ERCC6: variants seen among roughly 807,000 people sequenced by gnomAD.
ERCC6 encodes ERCC excision repair 6, chromatin remodeling factor.
In ERCC6, 116 loss-of-function variants were observed where a neutral mutation model predicts 158.7. That is an observed-to-expected ratio of 0.73 (90% CI 0.63 to 0.85). ERCC6 has a LOEUF of 0.85. Among genes scored for constraint, ERCC6 ranks in the 40% least tolerant of loss-of-function variants. The pLI, the probability that ERCC6 is intolerant of heterozygous loss-of-function variation, is 0.00. For synonymous variants in ERCC6, 678 were observed against 659.3 expected, an observed-to-expected ratio of 1.03 and a Z score of -0.43; for missense variants, 1,698 against 1,799.4, an observed-to-expected ratio of 0.94 and a Z score of 1.02.
chr10:49,489,705 A>T (rs930718694), intron 8 of ERCC6, among the ~76,000 whole-genome samples: 2 of 152,202 alleles, frequency 1.3e-5, no homozygotes, highest in South Asian at 2.1e-4. Flanking sequence ...TTCAGAACAT[A>T]AGCAATTTAT....
At chr10:49,472,022 A>C (rs1275462946) in intron 16 of ERCC6, among the ~76,000 whole-genome samples, 2 of 152,212 alleles carry the variant, frequency 1.3e-5, no homozygotes, top group Non-Finnish European at 2.9e-5. Flanking sequence ...GTATGTAAAC[A>C]CCAATATGGT....
chr10:49,513,101 T>TA (rs1265971345), intron 5 of ERCC6, among the ~76,000 whole-genome samples: 2 of 152,198 alleles, frequency 1.3e-5, no homozygotes, highest in East Asian at 3.9e-4. Flanking sequence ...AGCTAATACT[T>TA]ACGGAGTGCC....
At chr10:49,515,366 A>G (rs774000889) in intron 5 of ERCC6, 2 of 1,613,518 alleles carry the variant, frequency 1.2e-6, no homozygotes, top group South Asian at 1.1e-5. Flanking sequence ...AACACTTCAC[A>G]TGTAAGGCAA....
In ERCC6 at chr10:49,457,450, C is replaced by CA. The variant is rs1850501386; in HGVS notation, c.*1364dup. 6.6e-6 allele frequency: 1 copy of CA among 152,140 alleles called. No homozygotes were observed. Among genetic ancestry groups the CA allele is most frequent in the South Asian group, 2.1e-4 (1 of 4,832 alleles). The allele number at this position is 152,140 out of a possible 1,614,324, so 9.4% of individuals were successfully genotyped here. The stretch of plus-strand genomic sequence containing the variant: ...AAGCAAAATATTAGAGCAGAGAAAG[C>CA]AAAACTCATGTCCTCTCATGCAGTC... On this transcript the variant is annotated 3_prime_UTR_variant, in exon 21 of 21. Transcript: ENST00000355832.
chr10:49,503,764 T>C (rs915133229), intron 6 of ERCC6: 1 of 152,136 alleles, frequency 6.6e-6, no homozygotes, highest in African/African-American at 2.4e-5. Context: ...GAAAAGCATA[T>C]AAAAATTACT....
chr10:49,501,754 A>T (rs1338979322), intron 6 of ERCC6: 1 of 152,080 alleles, frequency 6.6e-6, no homozygotes, highest in African/African-American at 2.4e-5. Context: ...CCAGGAGTTC[A>T]AGACCAGCAT....
chr10:49,511,835 C>T lies in ERCC6; in HGVS notation c.1398-5823G>A, dbSNP rs1413826780. The stretch of plus-strand genomic sequence containing the variant: ...AAGATAACCACAGAGAAGTGAAAAC[C>T]GAATGTAGGCAAAAGAGGTGCATTA... On this transcript the variant is annotated intron_variant, in intron 5 of 20. Coordinates refer to ENST00000355832, the MANE Select transcript of ERCC6 (RefSeq NM_000124.4). 5.3e-5 allele frequency among the ~76,000 whole-genome samples: 8 copies of T among 152,140 alleles called. No homozygotes were observed. In the East Asian group the frequency reaches 1.4e-3, roughly 26 times the overall value.
At chr10:49,483,814 T>C (rs1032009071) in intron 8 of ERCC6, among the ~76,000 whole-genome samples, 1 of 151,664 alleles carries the variant, frequency 6.6e-6, no homozygotes, top group Non-Finnish European at 1.5e-5. Flanking sequence ...ATCCTTTGTG[T>C]CCATTCTTGT....
At chr10:49,454,037 T>C (rs961032246), downstream of ERCC6, among the ~76,000 whole-genome samples, 2 of 152,224 alleles carry the variant, frequency 1.3e-5, no homozygotes, top group African/African-American at 2.4e-5. Context: ...TCTTTAAATA[T>C]TTCCTTTTTC....
At position 49,476,256 on chromosome 10, in the gene ERCC6, C is replaced by T; in HGVS notation, c.2341G>A (p.Asp781Asn). Residue 781 changes from aspartate (D) to asparagine (N), a missense_variant, in exon 12 of 21, where the codon GAT (aspartate) becomes AAT (asparagine). Asp to Asn is a conservative substitution (Grantham distance 23, BLOSUM62 1). Transcript: ENST00000355832. ...EQHKVYQNFV[D>N]SKEVYRILNG... ...AGAATCCTGTAAACTTCTTTGGAATCAACGAAATTTTGGTAGACTTTATGC... is the reference window on the plus strand; with the variant it reads ...AGAATCCTGTAAACTTCTTTGGAATTAACGAAATTTTGGTAGACTTTATGC... 6.2e-7 allele frequency: 1 copy of T among 1,613,852 alleles called. No individual in the cohort carries two copies. Among genetic ancestry groups the T allele is most frequent in the Non-Finnish European group, 8.5e-7 (1 of 1,179,934 alleles).
At chr10:49,461,859 T>C (rs1230935754) in intron 18 of ERCC6, among the ~76,000 whole-genome samples, 1 of 152,112 alleles carries the variant, frequency 6.6e-6, no homozygotes, top group Non-Finnish European at 1.5e-5. Flanking sequence ...ACCCAAGCAA[T>C]GTGTAAAGCC....
chr10:49,448,558 C>A, the ERCC6 span, among the ~76,000 whole-genome samples: 1 of 152,150 alleles, frequency 6.6e-6, no homozygotes, highest in Non-Finnish European at 1.5e-5. Context: ...TTTACATTTT[C>A]ATCATCTGAA....
At chr10:49,530,609 A>G (rs1235627656) in intron 3 of ERCC6, 111 bp downstream of exon 3, 7 of 1,508,062 alleles carry the variant, frequency 4.6e-6, no homozygotes, top group African/African-American at 1.4e-5. Flanking sequence ...TATTGTAATT[A>G]TAAGTATTTG....
downstream of ERCC6, among the ~76,000 whole-genome samples, chr10:49,449,700 C>T (rs535854588): frequency 2.8e-4 from 42 of 150,534 alleles, 1 homozygote; most frequent in Admixed American, 6.6e-4. Context: ...TACAGGTGCA[C>T]GCCACCACGC....
intron 5 of ERCC6, chr10:49,515,336 T>C (rs535220065): frequency 6.2e-7 from 1 of 1,606,224 alleles, no homozygotes; most frequent in Admixed American, 1.7e-5. Flanking sequence ...ACACCTGCTA[T>C]TCAGTGTGAT....
chr10:49,467,195 TGTACAAGCCTTC>T (rs1003150828), intron 18 of ERCC6, among the ~76,000 whole-genome samples: 3 of 152,242 alleles, frequency 2.0e-5, no homozygotes, highest in African/African-American at 7.2e-5. Context: ...CGAATATTCA[TGTACAAGCCTTC>T]GTATGGACAT....
At chr10:49,492,250 C>T (rs946843814) in intron 8 of ERCC6, among the ~76,000 whole-genome samples, 4 of 152,176 alleles carry the variant, frequency 2.6e-5, no homozygotes, top group Non-Finnish European at 5.9e-5. Context: ...GAGGCAAACA[C>T]TCCATAGCCC....
At chr10:49,461,324 G>A in intron 19 of ERCC6, 28 bp downstream of exon 19, 1 of 1,605,476 alleles carries the variant, frequency 6.2e-7, no homozygotes, top group Non-Finnish European at 8.5e-7. Context: ...TGGACTCCTT[G>A]CAAGTATGGC....
chr10:49,533,034 T>C, intron 1 of ERCC6, 56 bp from the exon 2 acceptor site: 1 of 1,560,100 alleles, frequency 6.4e-7, no homozygotes, highest in Non-Finnish European at 8.7e-7. Context: ...TTGTAGTTCT[T>C]AAATATTTTA....
Sources: allele counts gnomAD v4.1 joint callset (sites outside exome capture counted in the v4.1 genomes callset), GRCh38; gene constraint gnomAD v4.1.1; transcripts MANE v1.5; gene names NCBI Gene and HGNC (gene_info 2026-07-23, HGNC 2026-07-21).